METTL15: variants seen among roughly 807,000 people sequenced by gnomAD.
METTL15 encodes methyltransferase 15, mitochondrial 12S rRNA N4-cytidine, also known as 12S rRNA N(4)-cytidine methyltransferase METTL15.
METTL15 carries 34 observed loss-of-function variants against 38.3 expected under a neutral mutation model. The observed-to-expected ratio is 0.89, with a 90% confidence interval of 0.68 to 1.18. METTL15 has a LOEUF of 1.18. Among genes scored for constraint, METTL15 ranks in the 50% most tolerant of loss-of-function variants. METTL15 has a pLI of 0.00. For missense variants in METTL15, 438 were observed against 498.4 expected, an observed-to-expected ratio of 0.88 and a Z score of 1.15; for synonymous variants, 162 against 170.9, an observed-to-expected ratio of 0.95 and a Z score of 0.41.
chr11:28,130,376 G>A (rs2133629841), intron 3 of METTL15, among the ~76,000 whole-genome samples: 1 of 152,132 alleles, frequency 6.6e-6, no homozygotes, highest in East Asian at 1.9e-4. Flanking sequence ...TGTGAGGATG[G>A]ATTTAAATAT....
downstream of METTL15, among the ~76,000 whole-genome samples, chr11:28,529,779 G>A (rs1002669119): frequency 6.6e-6 from 1 of 152,088 alleles, no homozygotes; most frequent in African/African-American, 2.4e-5. Flanking sequence ...AACAATATGA[G>A]TGCCCTCTGG....
intron 5 of METTL15, among the ~76,000 whole-genome samples, chr11:28,388,118 T>G (rs1403206429): frequency 6.6e-6 from 1 of 152,062 alleles, no homozygotes; most frequent in Non-Finnish European, 1.5e-5. Context: ...TAACATCTTT[T>G]CCTCTAGTGA....
intron 6 of METTL15, chr11:28,327,978 T>C: frequency 9.5e-7 from 1 of 1,051,800 alleles, no homozygotes; most frequent in East Asian, 2.9e-5. Flanking sequence ...AAGATAATGC[T>C]AAGAAATTTT....
chr11:28,383,295 T>G (rs1333145408), intron 5 of METTL15, among the ~76,000 whole-genome samples: 3 of 152,188 alleles, frequency 2.0e-5, no homozygotes, highest in Admixed American at 6.6e-5. Flanking sequence ...AAGAAAATGA[T>G]CTCATTATTT....
chr11:28,248,292 C>G (rs1222641611), intron 4 of METTL15, among the ~76,000 whole-genome samples: 1 of 152,072 alleles, frequency 6.6e-6, no homozygotes, highest in Non-Finnish European at 1.5e-5. Flanking sequence ...GAAGCTCCAT[C>G]AGAATTTCCC....
chr11:28,219,850 T>C (rs531234101), intron 4 of METTL15, among the ~76,000 whole-genome samples: 1 of 152,322 alleles, frequency 6.6e-6, no homozygotes, highest in East Asian at 1.9e-4. Context: ...GGTTGTTCAG[T>C]TTCCATGTAG....
At chr11:28,372,023 T>A (rs1439811184) in intron 5 of METTL15, among the ~76,000 whole-genome samples, 1 of 152,078 alleles carries the variant, frequency 6.6e-6, no homozygotes, top group Admixed American at 6.6e-5. Flanking sequence ...TACAGTATTA[T>A]GTTGAATAAA....
chr11:28,295,844 C>T (rs1480774610), intron 5 of METTL15, among the ~76,000 whole-genome samples: 3 of 152,102 alleles, frequency 2.0e-5, no homozygotes, highest in Non-Finnish European at 2.9e-5. Context: ...ACCCTTGTTA[C>T]TTACAGATCC....
chr11:28,447,600 A>G (rs1471132494), intron 6 of METTL15, among the ~76,000 whole-genome samples: 2 of 151,646 alleles, frequency 1.3e-5, no homozygotes, highest in Non-Finnish European at 2.9e-5. Context: ...TTTGTGATCT[A>G]CCTTGATTTT....
intron 3 of METTL15, among the ~76,000 whole-genome samples, chr11:28,196,894 A>G (rs1851930158): frequency 6.6e-6 from 1 of 151,992 alleles, no homozygotes; most frequent in Non-Finnish European, 1.5e-5. Flanking sequence ...TGTTCAATTC[A>G]TCGTCCCTCC....
rs773707054 is a variant in METTL15 at position 28,238,046 on chromosome 11, G to A, written c.407+26848G>A. On this transcript the variant is annotated intron_variant, in intron 4 of 6. Coordinates refer to ENST00000407364, the MANE Select transcript of METTL15 (RefSeq NM_001113528.2). The stretch of plus-strand genomic sequence containing the variant: ...GTGCCTCCCAGTTAGGCTGCTCGGG[G>A]GTCAGGGGTCAGGGACCCACTTGAG... Among the ~76,000 whole-genome samples, 9 of 152,274 alleles carry A rather than the reference G, an allele frequency of 5.9e-5. No homozygotes were observed. The South Asian group carries it at 8.3e-4, about 14-fold the overall frequency.
At chr11:28,329,873 C>T (rs1849757148) in intron 6 of METTL15, among the ~76,000 whole-genome samples, 1 of 152,084 alleles carries the variant, frequency 6.6e-6, no homozygotes, top group Non-Finnish European at 1.5e-5. Context: ...TTCTTCTCAA[C>T]ACTGTTTATG....
At chr11:28,311,055 T>G (rs1857285483) in intron 6 of METTL15, among the ~76,000 whole-genome samples, 1 of 151,120 alleles carries the variant, frequency 6.6e-6, no homozygotes. Flanking sequence ...ATTTCCCAAG[T>G]TGGGCATGGT....
chr11:28,193,121 C>T (rs1851760361), intron 3 of METTL15, among the ~76,000 whole-genome samples: 1 of 152,066 alleles, frequency 6.6e-6, no homozygotes, highest in Non-Finnish European at 1.5e-5. Flanking sequence ...GAGAATACAA[C>T]ACTATACTTC....
chr11:28,352,051 T>G (rs1850046381), intron 3 of METTL15: 1 of 152,224 alleles, frequency 6.6e-6, no homozygotes, highest in African/African-American at 2.4e-5. Context: ...ATGTAACTTA[T>G]TATTCTGTTT....
intron 5 of METTL15, among the ~76,000 whole-genome samples, chr11:28,418,546 G>A (rs575704034): frequency 7.9e-5 from 12 of 152,196 alleles, no homozygotes; most frequent in South Asian, 2.1e-4. Flanking sequence ...AGCCTCTGCC[G>A]ATCGTCCTCT....
chr11:28,391,308 A>G (rs1190271659), intron 5 of METTL15, among the ~76,000 whole-genome samples: 1 of 152,054 alleles, frequency 6.6e-6, no homozygotes, highest in Non-Finnish European at 1.5e-5. Context: ...GTCTTGTGCC[A>G]GTTTTCAAAG....
intron 5 of METTL15, among the ~76,000 whole-genome samples, chr11:28,374,957 C>A (rs1732806315): frequency 6.6e-6 from 1 of 151,648 alleles, no homozygotes; most frequent in Non-Finnish European, 1.5e-5. Context: ...TGTTTATATG[C>A]TGGATTACAT....
chr11:28,301,091 A>G (rs745489687), intron 6 of METTL15, among the ~76,000 whole-genome samples: 6 of 152,150 alleles, frequency 3.9e-5, no homozygotes, highest in Admixed American at 1.3e-4. Flanking sequence ...ACTCCTTTAC[A>G]TGGTTTGCAA....
Sources: gnomAD v4.1 joint callset for allele counts (sites outside exome capture counted in the v4.1 genomes callset) on GRCh38, gnomAD v4.1.1 for gene constraint, MANE v1.5 for transcripts, NCBI Gene and HGNC (gene_info 2026-07-23, HGNC 2026-07-21) for gene names.